The following PRLHR variants were observed in gnomAD, a reference collection of about 807,000 sequenced individuals.
PRLHR encodes the protein prolactin releasing hormone receptor.
Under a neutral mutation model 9.3 loss-of-function variants are expected in PRLHR, and 10 were observed. The observed-to-expected ratio is 1.08, with a 90% CI of 0.66 to 1.82. The LOEUF (loss-of-function observed/expected upper bound fraction) is 1.82. Ranked by LOEUF, PRLHR falls within the 40% of genes most tolerant of loss-of-function variation. PRLHR has a pLI of 0.00. For missense variants in PRLHR, 589 were observed against 512.0 expected (o/e 1.15, Z -1.45); for synonymous variants, 261 against 249.3 (o/e 1.05, Z -0.44).
At position 118,595,130 on chromosome 10, in the gene PRLHR, C is replaced by T. The variant is rs1041441981; in HGVS notation, c.115G>A (p.Val39Met). ...ACGGCTGGAGCGTCCGCGCCAGCCACCGACCCGTTGCCCGCCGAGGCCTCT... is the reference window on the plus strand; with the variant it reads ...ACGGCTGGAGCGTCCGCGCCAGCCATCGACCCGTTGCCCGCCGAGGCCTCT... Reference protein sequence around the residue: ...SAEASAGNGSVAGADAPAVTP... With the variant: ...SAEASAGNGSMAGADAPAVTP... Residue 39 changes from valine (V) to methionine (M), a missense_variant, in exon 2 of 2, where the codon GTG becomes ATG. Transcript: ENST00000239032. The T allele has an allele frequency of 6.2e-7, 1 of 1,600,006 alleles. No homozygotes were observed. Among genetic ancestry groups the T allele is most frequent in the African/African-American group, 1.3e-5 (1 of 74,822 alleles).
In PRLHR at chr10:118,594,555, C is replaced by T. The variant is rs771964683; in HGVS notation, c.690G>A (p.Leu230=). 1 of 1,561,972 alleles carries T rather than the reference C, an allele frequency of 6.4e-7. No homozygotes were observed. Reference sequence around the variant, plus strand: ...GCAGAGGGAGCAGGTAGGTGACCAGCAGCAGCCCCCAGGCGTAGAGCTGGC... The same window carrying T: ...GCAGAGGGAGCAGGTAGGTGACCAGTAGCAGCCCCCAGGCGTAGAGCTGGC... ...RQRQLYAWGL[L]LVTYLLPLLV... is the part of the protein sequence containing the mutation. Residue 230 remains leucine (L), a synonymous_variant, in exon 2 of 2, where the codon CTG becomes CTA. Coordinates refer to ENST00000239032, the MANE Select transcript of PRLHR (RefSeq NM_004248.3).
In PRLHR at chr10:118,594,813, G is replaced by A. The variant is rs374957703; in HGVS notation, c.432C>T (p.Thr144=). The change falls in exon 2 of 2, where the codon ACC becomes ACT. Residue 144 remains threonine (T), a synonymous_variant. Transcript: ENST00000239032. ...CHLVFFLQPV[T]VYVSVFTLTT... The stretch of plus-strand genomic sequence containing the variant: ...TGAGCGTGAACACCGACACATAGAC[G>A]GTGACCGGCTGCAGGAAGAAGACCA... The A allele has an allele frequency of 5.6e-6, 9 of 1,612,750 alleles. No homozygotes were observed. The highest frequency in any genetic ancestry group is 7.6e-6 in the Non-Finnish European group (9 of 1,179,856).
rs776808267 is a variant in PRLHR at position 118,594,100 on chromosome 10, G to A, written c.*32C>T. 5.3e-6 allele frequency: 8 copies of A among 1,508,116 alleles called. No individual in the cohort carries two copies. The highest frequency in any genetic ancestry group is 7.1e-6 in the Non-Finnish European group (8 of 1,127,632). The allele number at this position is 1,508,116 out of a possible 1,614,324, so 93.4% of individuals were successfully genotyped here. A position where few individuals can be genotyped will look rare whatever the true frequency, so the allele number is the denominator to read the frequency against. On this transcript the variant is annotated 3_prime_UTR_variant, in exon 2 of 2. Coordinates refer to ENST00000239032, the MANE Select transcript of PRLHR (RefSeq NM_004248.3). ...GTGCCCTAGGAGGCCAGTTGAAGTG[G>A]AGCTCCTTGACCAAGGCCTGGCTAA...
Position 118,592,693 on chromosome 10 carries a change from TCTTTC to T in PRLHR, c.*1434_*1438del, listed in dbSNP as rs1844444663. The T allele has an allele frequency of 1.3e-5, 2 of 152,220 alleles. No individual in the cohort carries two copies. Among genetic ancestry groups the T allele is most frequent in the South Asian group, 4.1e-4 (2 of 4,830 alleles). 9.4% of individuals were successfully genotyped at this position (152,220 alleles called of 1,614,324 possible). On this transcript the variant is annotated 3_prime_UTR_variant, in exon 2 of 2. Transcript: ENST00000239032. Reference sequence around the variant, plus strand: ...ACCCTTGTCATTCCCATATCATCCCTCTTTCCTTTCCTTTTAGGGCACATTTTAAT... The same window carrying T: ...ACCCTTGTCATTCCCATATCATCCCTCTTTCCTTTTAGGGCACATTTTAAT...
rs1395678481 is a variant in PRLHR, at chr10:118,594,450, C to G, written c.795G>C (p.Gln265His). Residue 265 changes from glutamine to histidine, a missense_variant, in exon 2 of 2, where the codon CAG becomes CAC. Coordinates refer to ENST00000239032, the MANE Select transcript of PRLHR (RefSeq NM_004248.3). ...RVVPGCVTQS[Q>H]ADWDRARRRR... ...GGCGCCGAGCGCGGTCCCAGTCGGC[C>G]TGGCTCTGGGTCACGCAGCCCGGCA... 6.2e-7 allele frequency: 1 copy of G among 1,602,440 alleles called. No homozygotes were observed. The highest frequency in any genetic ancestry group is 1.1e-5 in the South Asian group (1 of 90,976).
chr10:118,594,243 G>A lies in PRLHR; in HGVS notation c.1002C>T (p.Ile334=). The A allele has an allele frequency of 1.2e-6, 2 of 1,603,490 alleles. No individual in the cohort carries two copies. Among genetic ancestry groups the A allele is most frequent in the South Asian group, 1.1e-5 (1 of 88,924 alleles). The part of the protein sequence containing the change: ...AMSSACYNPF[I]YAWLHDSFRE... ...GGAAGCTGTCGTGCAGCCAGGCGTA[G>A]ATGAAGGGGTTGTAGCAGGCCGAAC... is the stretch of plus-strand genomic sequence containing the variant. The change falls in exon 2 of 2, where the codon ATC becomes ATT. Residue 334 remains isoleucine (I), a synonymous_variant. Transcript: ENST00000239032.
Position 118,593,986 on chromosome 10 carries a change from C to G in PRLHR, c.*146G>C. On this transcript the variant is annotated 3_prime_UTR_variant, in exon 2 of 2. Transcript: ENST00000239032. The stretch of plus-strand genomic sequence containing the variant: ...AAACACACAAGGACAAGACAGACAG[C>G]CGGACAAGAGGGCTGGGCTGGAAAT... The G allele has an allele frequency of 7.8e-7, 1 of 1,286,572 alleles. No individual in the cohort carries two copies. Among genetic ancestry groups the G allele is most frequent in the East Asian group, 2.6e-5 (1 of 38,252 alleles). The allele number at this position is 1,286,572 out of a possible 1,614,324, so 79.7% of individuals were successfully genotyped here. A position where few individuals can be genotyped will look rare whatever the true frequency, so the allele number is the denominator to read the frequency against.
In PRLHR at chr10:118,594,732, G is replaced by C; in HGVS notation, c.513C>G (p.Ile171Met). 1.2e-6 allele frequency: 2 copies of C among 1,605,290 alleles called. No individual in the cohort carries two copies. Among genetic ancestry groups the C allele is most frequent in the Non-Finnish European group, 1.7e-6 (2 of 1,177,946 alleles). ...CAGCGTAGGCGCTGAGGCGCAGCGA[G>C]ATGCGCCGCCTCAGCGGGTGCACCA... is the stretch of plus-strand genomic sequence containing the variant. ...VVLVHPLRRR[I>M]SLRLSAYAVL... The change falls in exon 2 of 2, where the codon ATC becomes ATG. Residue 171 changes from isoleucine to methionine, a missense_variant. Coordinates refer to ENST00000239032, the MANE Select transcript of PRLHR (RefSeq NM_004248.3).
In PRLHR at chr10:118,595,140, G is replaced by A. The variant is rs1352934964; in HGVS notation, c.105C>T (p.Gly35=). The change falls in exon 2 of 2, where the codon GGC becomes GGT. Residue 35 remains glycine, a synonymous_variant. Coordinates refer to ENST00000239032, the MANE Select transcript of PRLHR (RefSeq NM_004248.3). ...PANQSAEASA[G]NGSVAGADAP... is the part of the protein sequence containing the mutation. ...CGTCCGCGCCAGCCACCGACCCGTT[G>A]CCCGCCGAGGCCTCTGCGCTCTGGT... 1 of 1,597,608 alleles carries A rather than the reference G, an allele frequency of 6.3e-7. No individual in the cohort carries two copies. Among genetic ancestry groups the A allele is most frequent in the Non-Finnish European group, 8.5e-7 (1 of 1,175,282 alleles).
At position 118,594,522 on chromosome 10, in the gene PRLHR, G is replaced by T; in HGVS notation, c.723C>A (p.Ile241=). Residue 241 remains isoleucine (I), a synonymous_variant, in exon 2 of 2, where the codon ATC becomes ATA. Transcript: ENST00000239032. The stretch of plus-strand genomic sequence containing the variant: ...CTGACACCCGGACGTAAGACAGGAG[G>T]ATGACCAGCAGAGGGAGCAGGTAGG... ...LVTYLLPLLV[I]LLSYVRVSVK... 1 of 1,583,498 alleles carries T rather than the reference G, an allele frequency of 6.3e-7. No homozygotes were observed. Among genetic ancestry groups the T allele is most frequent in the Non-Finnish European group, 8.6e-7 (1 of 1,166,202 alleles).
rs1237294586 is a variant in PRLHR, at chr10:118,593,517, G to T, written c.*615C>A. The stretch of plus-strand genomic sequence containing the variant: ...AGCAAGACCTTTCTAAAGGGAGCTT[G>T]TAGGTGTTTTTGTACTATAAACTCA... On this transcript the variant is annotated 3_prime_UTR_variant, in exon 2 of 2. Transcript: ENST00000239032. 2 of 152,210 alleles carry T rather than the reference G, an allele frequency of 1.3e-5. No individual in the cohort carries two copies. Among genetic ancestry groups the T allele is most frequent in the African/African-American group, 4.8e-5 (2 of 41,456 alleles). 9.4% of individuals were successfully genotyped at this position (152,210 alleles called of 1,614,324 possible).
At chr10:118,595,420 C>T (rs1232835107) in intron 1 of PRLHR, 96 bp downstream of exon 1, 2 of 561,990 alleles carry the variant, frequency 3.6e-6, no homozygotes, top group Non-Finnish European at 6.0e-6. Context: ...TAAAATAAAC[C>T]TAAGCACGGT....
At position 118,593,141 on chromosome 10, in the gene PRLHR, T is replaced by C. The variant is rs1174457633; in HGVS notation, c.*991A>G. On this transcript the variant is annotated 3_prime_UTR_variant, in exon 2 of 2. Coordinates refer to ENST00000239032, the MANE Select transcript of PRLHR (RefSeq NM_004248.3). ...TGCCGGTCCTTGATTTCTGGGTTGA[T>C]CATGTTCCAAGAATCACTACAGAGC... 6.6e-6 allele frequency: 1 copy of C among 152,258 alleles called. No homozygotes were observed. Among genetic ancestry groups the C allele is most frequent in the Admixed American group, 6.5e-5 (1 of 15,290 alleles). 9.4% of individuals were successfully genotyped at this position (152,258 alleles called of 1,614,324 possible).
rs1844424701 is a variant in PRLHR, at chr10:118,590,690, A to T, written c.*3442T>A. ...AGATGCTTGATATTAACCAAAATGA[A>T]TTATTAAATAAAATTTTCTACCTAC... is the stretch of plus-strand genomic sequence containing the variant. On this transcript the variant is annotated 3_prime_UTR_variant, in exon 2 of 2. Transcript: ENST00000239032. The T allele has an allele frequency of 6.6e-6, 1 of 152,186 alleles. No individual in the cohort carries two copies. Among genetic ancestry groups the T allele is most frequent in the African/African-American group, 2.4e-5 (1 of 41,446 alleles). The allele number at this position is 152,186 out of a possible 1,614,324, so 9.4% of individuals were successfully genotyped here.
At position 118,591,101 on chromosome 10, in the gene PRLHR, T is replaced by C. The variant is rs1326499309; in HGVS notation, c.*3031A>G. 6.9e-6 allele frequency: 1 copy of C among 145,860 alleles called. No individual in the cohort carries two copies. Among genetic ancestry groups the C allele is most frequent in the African/African-American group, 2.6e-5 (1 of 38,338 alleles). 9.0% of individuals were successfully genotyped at this position (145,860 alleles called of 1,614,324 possible). On this transcript the variant is annotated 3_prime_UTR_variant, in exon 2 of 2. Transcript: ENST00000239032. ...ATTTGTTTTTTGTTGTTTTTTGTTG[T>C]TTTTGTTTTTTTTGTTTTTTTGAGA... is the stretch of plus-strand genomic sequence containing the variant.
Position 118,592,883 on chromosome 10 carries a change from C to T in PRLHR, c.*1249G>A, listed in dbSNP as rs1844446062. On this transcript the variant is annotated 3_prime_UTR_variant, in exon 2 of 2. Transcript: ENST00000239032. ...ACAGCTGGATATTATGTATCATTTC[C>T]CAAGACTCCTGCCCTCACTGCCCAA... 1.3e-5 allele frequency: 2 copies of T among 152,172 alleles called. No individual in the cohort carries two copies. The highest frequency in any genetic ancestry group is 4.1e-4 in the South Asian group (2 of 4,830). The allele number at this position is 152,172 out of a possible 1,614,324, so 9.4% of individuals were successfully genotyped here.
rs1844446236 is a variant in PRLHR, at chr10:118,592,897, C to T, written c.*1235G>A. The T allele has an allele frequency of 6.6e-6, 1 of 152,238 alleles. No individual in the cohort carries two copies. Among genetic ancestry groups the T allele is most frequent in the South Asian group, 2.1e-4 (1 of 4,834 alleles). 9.4% of individuals were successfully genotyped at this position (152,238 alleles called of 1,614,324 possible). ...TGTATCATTTCCCAAGACTCCTGCC[C>T]TCACTGCCCAAGTTGCTTTTCCAAC... On this transcript the variant is annotated 3_prime_UTR_variant, in exon 2 of 2. Transcript: ENST00000239032.
chr10:118,595,068 C>A lies in PRLHR; in HGVS notation c.177G>T (p.Leu59=). 1 of 1,605,598 alleles carries A rather than the reference C, an allele frequency of 6.2e-7. No homozygotes were observed. The highest frequency in any genetic ancestry group is 8.5e-7 in the Non-Finnish European group (1 of 1,174,480). The part of the protein sequence containing the change: ...PFQSLQLVHQ[L]KGLIVLLYSV... ...TGTAGAGCAGCACGATCAGCCCCTTCAGCTGATGCACCAGCTGCAGGCTCT... is the reference window on the plus strand; with the variant it reads ...TGTAGAGCAGCACGATCAGCCCCTTAAGCTGATGCACCAGCTGCAGGCTCT... The change falls in exon 2 of 2, where the codon CTG becomes CTT. Residue 59 remains leucine, a synonymous_variant. Coordinates refer to ENST00000239032, the MANE Select transcript of PRLHR (RefSeq NM_004248.3).
In PRLHR at chr10:118,590,202, C is replaced by T. The variant is rs1393357214; in HGVS notation, c.*3930G>A. On this transcript the variant is annotated 3_prime_UTR_variant, in exon 2 of 2. Coordinates refer to ENST00000239032, the MANE Select transcript of PRLHR (RefSeq NM_004248.3). ...GTCTGTGAGGGACAGGCCCTGTGTT[C>T]ACTCCCAGATCTAGCCACACTCTTG... 1.3e-5 allele frequency: 2 copies of T among 152,210 alleles called. No individual in the cohort carries two copies. Among genetic ancestry groups the T allele is most frequent in the Admixed American group, 6.5e-5 (1 of 15,284 alleles). 9.4% of individuals were successfully genotyped at this position (152,210 alleles called of 1,614,324 possible). A position where few individuals can be genotyped will look rare whatever the true frequency, so the allele number is the denominator to read the frequency against.
Sources: allele counts gnomAD v4.1 joint callset, GRCh38; gene constraint gnomAD v4.1.1; transcripts MANE v1.5; gene names NCBI Gene and HGNC (gene_info 2026-07-23, HGNC 2026-07-21).